MIER2: variants seen among roughly 807,000 people sequenced by gnomAD.
MIER2 encodes MIER family member 2, also known as mesoderm induction early response protein 2.
MIER2 carries 30 observed loss-of-function variants against 67.6 expected under a neutral mutation model. That is an observed-to-expected ratio of 0.44 (90% CI 0.33 to 0.60). The LOEUF (loss-of-function observed/expected upper bound fraction) is 0.60, where lower values mean the gene tolerates loss of function less well. Among genes scored for constraint, MIER2 ranks in the 20% least tolerant of loss-of-function variants. The pLI, the probability that MIER2 is intolerant of heterozygous loss-of-function variation, is 0.02. For missense variants in MIER2, 702 were observed against 745.1 expected (o/e 0.94, Z 0.67); for synonymous variants, 372 against 312.6 (o/e 1.19, Z -2.00).
intron 9 of MIER2, 60 bp from the exon 10 acceptor site, chr19:311,999 A>C (rs1230178801): frequency 2.4e-5 from 32 of 1,351,476 alleles, no homozygotes; most frequent in South Asian, 2.0e-4. Flanking sequence ...CAGCGGAAGG[A>C]AGGCCCAGGC....
At chr19:334,678 C>A in intron 2 of MIER2, 136 bp from the exon 3 acceptor site, 4 of 1,162,470 alleles carry the variant, frequency 3.4e-6, no homozygotes, top group Non-Finnish European at 4.8e-6. Context: ...ATGAGGGAAC[C>A]CAACAGGACA....
intron 3 of MIER2, among the ~76,000 whole-genome samples, chr19:330,627 A>G (rs1313584950): frequency 2.6e-5 from 4 of 152,148 alleles, no homozygotes; most frequent in African/African-American, 7.2e-5. Context: ...CTAAGCCCCA[A>G]CATGACTATA....
At chr19:328,071 C>A in intron 3 of MIER2, 82 bp from the exon 4 acceptor site, 1 of 1,569,828 alleles carries the variant, frequency 6.4e-7, no homozygotes, top group Non-Finnish European at 8.6e-7. Context: ...CTGAGCCTCA[C>A]TGGCCACAAC....
At chr19:310,291 C>T (rs990322807) in intron 10 of MIER2, among the ~76,000 whole-genome samples, 1 of 152,234 alleles carries the variant, frequency 6.6e-6, no homozygotes, top group African/African-American at 2.4e-5. Flanking sequence ...CCATGCTCAC[C>T]GCTGCGAGAA....
intron 7 of MIER2, among the ~76,000 whole-genome samples, chr19:324,931 G>A (rs1176994737): frequency 1.3e-5 from 2 of 152,212 alleles, no homozygotes; most frequent in Non-Finnish European, 1.5e-5. Context: ...CTCACACGGG[G>A]CACCCCCGAC....
chr19:311,811 AG>A, intron 10 of MIER2, 33 bp downstream of exon 10: 3 of 1,609,584 alleles, frequency 1.9e-6, no homozygotes, highest in Non-Finnish European at 2.6e-6. Flanking sequence ...CAGATCGAGA[AG>A]CCCCCGGTGG....
chr19:320,082 G>A (rs1306330630), intron 7 of MIER2, among the ~76,000 whole-genome samples: 3 of 152,058 alleles, frequency 2.0e-5, no homozygotes, highest in Non-Finnish European at 2.9e-5. Flanking sequence ...ACTTAAAGAC[G>A]CCTTACTGCA....
intron 3 of MIER2, among the ~76,000 whole-genome samples, chr19:331,265 C>T (rs1439973150): frequency 6.7e-6 from 1 of 150,264 alleles, no homozygotes; most frequent in African/African-American, 2.5e-5. Flanking sequence ...GGCTAAGGCA[C>T]GAGAATCACT....
At chr19:338,811 C>T (rs983269650) in intron 1 of MIER2, among the ~76,000 whole-genome samples, 6 of 152,128 alleles carry the variant, frequency 3.9e-5, no homozygotes, top group African/African-American at 1.4e-4. Flanking sequence ...AAGGAATGAA[C>T]AGTCTTTAAC....
chr19:324,614 C>T (rs987407127), intron 7 of MIER2, among the ~76,000 whole-genome samples: 2 of 149,912 alleles, frequency 1.3e-5, no homozygotes, highest in Admixed American at 6.7e-5. Flanking sequence ...CACACAACCA[C>T]GCAGACGACT....
chr19:313,349 G>A (rs755481248), intron 8 of MIER2, 143 bp downstream of exon 8: 12 of 1,329,552 alleles, frequency 9.0e-6, no homozygotes, highest in Non-Finnish European at 1.0e-5. Context: ...GACCTGAGTA[G>A]CTGTTCCAGT....
intron 1 of MIER2, among the ~76,000 whole-genome samples, chr19:338,088 C>T (rs1029152201): frequency 1.4e-5 from 2 of 140,498 alleles, no homozygotes; most frequent in East Asian, 2.4e-4. Flanking sequence ...AGGAGGATCG[C>T]TTGAACCCAG....
intron 4 of MIER2, 144 bp from the exon 5 acceptor site, chr19:327,400 G>A (rs1026234270): frequency 1.9e-5 from 21 of 1,107,762 alleles, no homozygotes; most frequent in African/African-American, 4.8e-5. Flanking sequence ...GGTGCACAGC[G>A]TGGGGGGAGC....
chr19:337,217 G>A (rs1008700966), intron 1 of MIER2, among the ~76,000 whole-genome samples: 1 of 152,112 alleles, frequency 6.6e-6, no homozygotes, highest in African/African-American at 2.4e-5. Flanking sequence ...ACATAAAGAT[G>A]ATTATAAGCC....
At chr19:334,595 A>G in intron 2 of MIER2, 53 bp from the exon 3 acceptor site, 2 of 1,587,270 alleles carry the variant, frequency 1.3e-6, no homozygotes, top group Admixed American at 1.7e-5. Flanking sequence ...TGTCCCAACC[A>G]TCCTGCCGAG....
chr19:310,650 C>CCGGAGCTAT (rs1970945480), intron 10 of MIER2, among the ~76,000 whole-genome samples: 1 of 143,310 alleles, frequency 7.0e-6, no homozygotes, highest in Admixed American at 7.1e-5. Context: ...GCCCAGAGTC[C>CCGGAGCTAT]AGAAACACAG....
At chr19:321,019 C>T (rs1009826695) in intron 7 of MIER2, among the ~76,000 whole-genome samples, 5 of 152,166 alleles carry the variant, frequency 3.3e-5, no homozygotes, top group African/African-American at 4.8e-5. Context: ...ATGTGAAAAA[C>T]GGCATTCAGT....
At chr19:339,496 G>A (rs537081791) in intron 1 of MIER2, among the ~76,000 whole-genome samples, 12 of 152,286 alleles carry the variant, frequency 7.9e-5, no homozygotes, top group East Asian at 3.9e-4. Flanking sequence ...GTGCCCTGCC[G>A]GTGGGAATGT....
Position 307,148 on chromosome 19 carries a change from G to T in MIER2, c.1587C>A (p.Ala529=), listed in dbSNP as rs1169463866. The change falls in exon 13 of 14, where the codon GCC becomes GCA. Residue 529 remains alanine (A), a synonymous_variant. Coordinates refer to ENST00000264819, the MANE Select transcript of MIER2 (RefSeq NM_017550.3). ...PFLAAHPTCP[A]PGLHSEPLSH... ...ACAGGGGCTCCGAGTGTAGCCCGGG[G>T]GCCGGGCACGTGGGGTGGGCGGCCA... 1.4e-5 allele frequency: 22 copies of T among 1,587,604 alleles called. No homozygotes were observed. Among genetic ancestry groups the T allele is most frequent in the Non-Finnish European group, 1.8e-5 (21 of 1,167,332 alleles).
Sources: allele counts gnomAD v4.1 joint callset (sites outside exome capture counted in the v4.1 genomes callset), GRCh38; gene constraint gnomAD v4.1.1; transcripts MANE v1.5; gene names NCBI Gene and HGNC (gene_info 2026-07-23, HGNC 2026-07-21).